EDRF1: variants seen among roughly 807,000 people sequenced by gnomAD.
EDRF1 encodes erythroid differentiation-related factor 1.
In EDRF1, 69 loss-of-function variants were observed where a neutral mutation model predicts 148.7. The ratio of observed to expected loss-of-function variants is 0.46; its 90% confidence interval spans 0.38 to 0.57. The LOEUF is 0.57. EDRF1 is among the 20% of genes least tolerant of loss of function. EDRF1 has a pLI of 0.00. For missense variants in EDRF1, 1,118 were observed against 1,478.7 expected, an observed-to-expected ratio of 0.76 and a Z score of 4.00; for synonymous variants, 515 against 532.8, an observed-to-expected ratio of 0.97 and a Z score of 0.46.
chr10:125,760,637 ATTG>A (rs1402301254), intron 24 of EDRF1, among the ~76,000 whole-genome samples: 3 of 152,304 alleles, frequency 2.0e-5, no homozygotes, highest in African/African-American at 7.2e-5. Context: ...CTATAATTTT[ATTG>A]TTAAGAGGAA....
intron 24 of EDRF1, chr10:125,756,660 C>T: frequency 3.1e-6 from 1 of 321,346 alleles, no homozygotes; most frequent in Non-Finnish European, 5.9e-6. Flanking sequence ...GAACTGACCT[C>T]CTTATTACTA....
At chr10:125,747,007 T>A (rs76444623) in intron 19 of EDRF1, 6,048 of 153,438 alleles carry the variant, frequency 0.039, 359 homozygotes, top group African/African-American at 0.14. Flanking sequence ...TTTTCTTTTT[T>A]AAATTTATAT....
chr10:125,763,554 A>G lies in EDRF1; in HGVS notation c.*82A>G, dbSNP rs1219842034. The G allele has an allele frequency of 2.6e-5, 36 of 1,407,072 alleles. No homozygotes were observed. Among genetic ancestry groups the G allele is most frequent in the Non-Finnish European group, 2.8e-5 (29 of 1,025,760 alleles). 87.2% of individuals were successfully genotyped at this position (1,407,072 alleles called of 1,614,324 possible). ...GTTCATTCGGTGCTTTGTTTCATTA[A>G]ATAATAGGGAAATATCCATTTAAAA... On this transcript the variant is annotated 3_prime_UTR_variant, in exon 25 of 25. Coordinates refer to ENST00000356792, the MANE Select transcript of EDRF1 (RefSeq NM_001202438.2). The surrounding 1 kb of genome is among the most constrained non-coding windows in gnomAD (Gnocchi z 4.3).
chr10:125,723,021 A>C, intron 2 of EDRF1, 47 bp from the exon 3 acceptor site: 2 of 1,414,990 alleles, frequency 1.4e-6, no homozygotes, highest in South Asian at 2.3e-5. Flanking sequence ...TACTTGCATG[A>C]TTATGAGCAT....
intron 19 of EDRF1, 150 bp from the exon 20 acceptor site, chr10:125,747,385 AC>A (rs1301051466): frequency 2.3e-6 from 2 of 880,780 alleles, no homozygotes; most frequent in Non-Finnish European, 3.6e-6. Context: ...TCATTGACTT[AC>A]TTTTTTCATT....
At chr10:125,725,985 T>C (rs11244625) in intron 6 of EDRF1, 147 bp downstream of exon 6, 107,760 of 915,100 alleles carry the variant, frequency 0.12, 7,722 homozygotes, top group Admixed American at 0.3. Flanking sequence ...TGTCAATTTA[T>C]GGAATTGGAG....
At position 125,763,573 on chromosome 10, in the gene EDRF1, T is replaced by C. The variant is rs1850282726; in HGVS notation, c.*101T>C. The stretch of plus-strand genomic sequence containing the variant: ...TCATTAAATAATAGGGAAATATCCA[T>C]TTAAAACAGGTATATCAGTGGAAAC... On this transcript the variant is annotated 3_prime_UTR_variant, in exon 25 of 25. Coordinates refer to ENST00000356792, the MANE Select transcript of EDRF1 (RefSeq NM_001202438.2). This position sits in a 1 kb window ranked among gnomAD's most constrained non-coding sequence, Gnocchi z 4.3. 3 of 1,308,750 alleles carry C rather than the reference T, an allele frequency of 2.3e-6. No homozygotes were observed. The highest frequency in any genetic ancestry group is 2.5e-5 in the South Asian group (2 of 79,198). 81.1% of individuals were successfully genotyped at this position (1,308,750 alleles called of 1,614,324 possible).
intron 24 of EDRF1, among the ~76,000 whole-genome samples, chr10:125,754,072 C>T (rs962096552): frequency 1.3e-4 from 20 of 151,988 alleles, no homozygotes; most frequent in African/African-American, 3.6e-4. Context: ...AAAAACTAAC[C>T]GGTATGGTGG....
chr10:125,735,527 C>T, intron 12 of EDRF1, 117 bp from the exon 13 acceptor site: 2 of 959,852 alleles, frequency 2.1e-6, no homozygotes, highest in Non-Finnish European at 3.2e-6. Flanking sequence ...GTGTTACAGT[C>T]TATATGGTGG....
rs1332805849 is a variant in EDRF1 at position 125,725,287 on chromosome 10, G to A, written c.511-31G>A. ...TAACATTGTTTCGACTATGTGTGTT[G>A]TATTAATAATATGTATCTCATGTTA... On this transcript the variant is annotated intron_variant, in intron 4 of 24. Coordinates refer to ENST00000356792, the MANE Select transcript of EDRF1 (RefSeq NM_001202438.2). 4 of 1,613,282 alleles carry A rather than the reference G, an allele frequency of 2.5e-6. No individual in the cohort carries two copies. In the African/African-American group the frequency reaches 5.3e-5, roughly 22 times the overall value.
intron 17 of EDRF1, among the ~76,000 whole-genome samples, chr10:125,742,066 A>T (rs1169566767): frequency 6.6e-6 from 1 of 152,246 alleles, no homozygotes; most frequent in Non-Finnish European, 1.5e-5. Flanking sequence ...TAACAAAGCC[A>T]TAGGTTTCCT....
At chr10:125,753,412 G>C (rs111678963) in intron 23 of EDRF1, among the ~76,000 whole-genome samples, 1 of 152,256 alleles carries the variant, frequency 6.6e-6, no homozygotes, top group Admixed American at 6.5e-5. Flanking sequence ...TGCTCTTCTA[G>C]CCCTGCTTGG....
intron 4 of EDRF1, 140 bp from the exon 5 acceptor site, chr10:125,725,178 C>G (rs774301896): frequency 6.7e-5 from 70 of 1,037,292 alleles, no homozygotes; most frequent in Admixed American, 1.9e-4. Context: ...ATGAATTGAC[C>G]CAGAAAGATA....
intron 17 of EDRF1, chr10:125,742,621 A>G: frequency 1.0e-6 from 1 of 985,412 alleles, no homozygotes; most frequent in Non-Finnish European, 1.2e-6. Flanking sequence ...TTTTTACTCT[A>G]GTCCCCACTA....
chr10:125,753,889 T>C (rs1259505226), intron 24 of EDRF1, 44 bp downstream of exon 24: 17 of 1,604,006 alleles, frequency 1.1e-5, no homozygotes, highest in Non-Finnish European at 1.4e-5. Flanking sequence ...CCTAGCACCC[T>C]ACCTATAAAA....
intron 22 of EDRF1, 132 bp downstream of exon 22, chr10:125,749,697 G>C (rs1017655659): frequency 9.6e-7 from 1 of 1,043,448 alleles, no homozygotes; most frequent in Admixed American, 2.0e-5. Flanking sequence ...ATGACTTCGG[G>C]TAGAGAGGGT....
At chr10:125,755,012 C>T (rs895430705) in intron 24 of EDRF1, among the ~76,000 whole-genome samples, 18 of 152,116 alleles carry the variant, frequency 1.2e-4, no homozygotes, top group South Asian at 4.1e-4. Context: ...AAAACAGTTC[C>T]GTCACTCCAA....
chr10:125,725,937 T>TA, intron 6 of EDRF1, 99 bp downstream of exon 6: 2 of 1,294,298 alleles, frequency 1.5e-6, no homozygotes, highest in Non-Finnish European at 1.1e-6. Flanking sequence ...GACTAAGAAA[T>TA]ATTCTGTCAG....
intron 13 of EDRF1, 86 bp from the exon 14 acceptor site, chr10:125,737,832 T>G: frequency 7.6e-7 from 1 of 1,320,372 alleles, no homozygotes. Flanking sequence ...TTGATAATGC[T>G]TACAGTAATT....
Sources: allele counts gnomAD v4.1 joint callset (sites outside exome capture counted in the v4.1 genomes callset), GRCh38; gene constraint gnomAD v4.1.1; non-coding constraint Gnocchi (gnomAD v3.1); transcripts MANE v1.5; gene names NCBI Gene and HGNC (gene_info 2026-07-23, HGNC 2026-07-21).